The following SLC37A3 variants were observed in gnomAD, a reference collection of about 807,000 sequenced individuals.
SLC37A3 encodes solute carrier family 37 member 3.
In SLC37A3, 51 loss-of-function variants were observed where a neutral mutation model predicts 67.1. The ratio of observed to expected loss-of-function variants is 0.76; its 90% CI spans 0.61 to 0.96. The LOEUF (loss-of-function observed/expected upper bound fraction) is 0.96, where lower values mean the gene tolerates loss of function less well. Ranked by LOEUF, SLC37A3 falls within the 40% of genes least tolerant of loss-of-function variation. SLC37A3 has a pLI of 0.00. For synonymous variants in SLC37A3, 214 were observed against 231.4 expected (o/e 0.92, Z 0.68); for missense variants, 508 against 603.0 (o/e 0.84, Z 1.65).
chr7:140,377,219 T>G (rs1473361911), intron 3 of SLC37A3, among the ~76,000 whole-genome samples: 3 of 151,494 alleles, frequency 2.0e-5, no homozygotes, highest in African/African-American at 4.8e-5. Flanking sequence ...TGTTTTTTTT[T>G]TTGTTTTGTT....
chr7:140,339,417 C>T (rs778025859), intron 13 of SLC37A3, among the ~76,000 whole-genome samples: 2 of 151,744 alleles, frequency 1.3e-5, no homozygotes, highest in Non-Finnish European at 2.9e-5. Flanking sequence ...CCTGCCACCA[C>T]ATCCAGCTAA....
At chr7:140,376,120 G>A (rs1483587091) in intron 3 of SLC37A3, among the ~76,000 whole-genome samples, 1 of 152,072 alleles carries the variant, frequency 6.6e-6, no homozygotes, top group Non-Finnish European at 1.5e-5. Flanking sequence ...GCTTTCACAA[G>A]AATTAACAGA....
chr7:140,364,630 C>T lies in SLC37A3; in HGVS notation c.292-139G>A, dbSNP rs567833171. 2.0e-3 allele frequency: 1,412 copies of T among 717,294 alleles called. 3 individuals are homozygous for T. The highest frequency in any genetic ancestry group is 2.4e-3 in the Non-Finnish European group (1,079 of 451,822). 44.4% of individuals were successfully genotyped at this position (717,294 alleles called of 1,614,324 possible). ...TACACATGCCGAGGCTACCTGTCTA[C>T]AGGAGTTTCACAAATGTTTCATGAA... On this transcript the variant is annotated intron_variant, in intron 4 of 14. Coordinates refer to ENST00000326232, the MANE Select transcript of SLC37A3 (RefSeq NM_207113.3).
rs556879955 is a variant in SLC37A3, at chr7:140,344,301, G to A, written c.1175-738C>T. Among the ~76,000 whole-genome samples the A allele has an allele frequency of 1.3e-4, 19 of 151,770 alleles. No homozygotes were observed. The East Asian group carries it at 2.7e-3, about 22-fold the overall frequency. On this transcript the variant is annotated intron_variant, in intron 12 of 14. Transcript: ENST00000326232. ...AAATTAGCTGGGCATGGTAGCAGGC[G>A]CCTGTAATCCCAACTACTTGGGAAG...
intron 7 of SLC37A3, 24 bp from the exon 8 acceptor site, chr7:140,352,170 G>T (rs1327073712): frequency 6.9e-7 from 1 of 1,447,746 alleles, no homozygotes; most frequent in South Asian, 1.1e-5. Context: ...GTGAAAGGTG[G>T]TCCTTACATA....
chr7:140,359,342 C>CAAA (rs11389043), intron 5 of SLC37A3, among the ~76,000 whole-genome samples: 2 of 116,872 alleles, frequency 1.7e-5, no homozygotes, highest in Non-Finnish European at 3.5e-5. Context: ...GACTCTGTCT[C>CAAA]AAAAAAAAAA....
chr7:140,337,016 T>G (rs1022166097), intron 14 of SLC37A3, among the ~76,000 whole-genome samples: 2 of 149,794 alleles, frequency 1.3e-5, no homozygotes, highest in African/African-American at 4.9e-5. Flanking sequence ...GGAGAATCGC[T>G]TGAACCCGGG....
intron 3 of SLC37A3, among the ~76,000 whole-genome samples, chr7:140,374,764 G>A (rs1335225786): frequency 6.6e-6 from 1 of 152,034 alleles, no homozygotes; most frequent in East Asian, 1.9e-4. Context: ...AGGCTGAGAT[G>A]GGAAGATGGC....
chr7:140,386,539 C>A (rs867762622), intron 1 of SLC37A3, among the ~76,000 whole-genome samples: 3 of 151,810 alleles, frequency 2.0e-5, no homozygotes, highest in Admixed American at 2.0e-4. Flanking sequence ...GCTCAGGGAC[C>A]CTGGGGTGTA....
intron 6 of SLC37A3, 90 bp downstream of exon 6, chr7:140,358,550 G>C (rs1231413825): frequency 1.3e-6 from 2 of 1,551,728 alleles, no homozygotes; most frequent in South Asian, 1.2e-5. Flanking sequence ...TGGTATCTAA[G>C]GCAGCAAAGT....
At chr7:140,345,132 C>G in intron 12 of SLC37A3, 84 bp downstream of exon 12, 1 of 1,283,746 alleles carries the variant, frequency 7.8e-7, no homozygotes. Context: ...CGGTACTACT[C>G]AAATTGAGGG....
intron 10 of SLC37A3, among the ~76,000 whole-genome samples, chr7:140,347,832 C>T (rs1010758914): frequency 2.4e-4 from 37 of 151,828 alleles, no homozygotes; most frequent in African/African-American, 4.8e-5. Context: ...AAAATTAATC[C>T]CTGCTGTTAC....
intron 13 of SLC37A3, 68 bp from the exon 14 acceptor site, chr7:140,337,417 T>C: frequency 7.8e-7 from 1 of 1,275,056 alleles, no homozygotes; most frequent in Non-Finnish European, 1.1e-6. Context: ...AGCTAAAAAG[T>C]AGATTAAACA....
intron 5 of SLC37A3, among the ~76,000 whole-genome samples, chr7:140,362,399 G>A (rs1391261948): frequency 6.0e-5 from 7 of 116,894 alleles, no homozygotes; most frequent in African/African-American, 1.3e-4. Flanking sequence ...CCCGGCAGCC[G>A]CCCCGTCCGG....
In SLC37A3 at chr7:140,335,325, T is replaced by G; in HGVS notation, c.*87A>C. On this transcript the variant is annotated 3_prime_UTR_variant, in exon 15 of 15. Transcript: ENST00000326232. ...TGACAATCCAAGATCAGGCTGGAGC[T>G]CCTAGACAAACCCAAATTAGGGCAG... The G allele has an allele frequency of 6.2e-7, 1 of 1,614,072 alleles. No individual in the cohort carries two copies. Among genetic ancestry groups the G allele is most frequent in the South Asian group, 1.1e-5 (1 of 91,076 alleles).
At chr7:140,374,885 C>T (rs191130812) in intron 3 of SLC37A3, among the ~76,000 whole-genome samples, 4 of 152,022 alleles carry the variant, frequency 2.6e-5, no homozygotes, top group African/African-American at 9.6e-5. Context: ...CGGTGGCTCA[C>T]ACCTGTAATC....
chr7:140,377,281 T>C (rs1798072421), intron 3 of SLC37A3, among the ~76,000 whole-genome samples: 1 of 151,628 alleles, frequency 6.6e-6, no homozygotes, highest in Non-Finnish European at 1.5e-5. Context: ...CCCAGACTAG[T>C]CTCAAACTCC....
intron 3 of SLC37A3, among the ~76,000 whole-genome samples, chr7:140,378,199 T>C (rs1290556409): frequency 6.6e-6 from 1 of 152,206 alleles, no homozygotes; most frequent in Non-Finnish European, 1.5e-5. Context: ...GTGCTCAGTG[T>C]CACTAAACTA....
At chr7:140,368,951 C>T (rs1440247022) in intron 4 of SLC37A3, among the ~76,000 whole-genome samples, 1 of 152,162 alleles carries the variant, frequency 6.6e-6, no homozygotes, top group Non-Finnish European at 1.5e-5. Context: ...ACTCGGCTCC[C>T]AGAGCAAGTG....
Sources: allele counts gnomAD v4.1 joint callset (sites outside exome capture counted in the v4.1 genomes callset), GRCh38; gene constraint gnomAD v4.1.1; transcripts MANE v1.5; gene names NCBI Gene and HGNC (gene_info 2026-07-23, HGNC 2026-07-21).